SLC9A9: variants seen among roughly 807,000 people sequenced by gnomAD.
SLC9A9 encodes the protein solute carrier family 9 member A9, also known as sodium/hydrogen exchanger 9.
In SLC9A9, 62 loss-of-function variants were observed where a neutral mutation model predicts 77.8. That is an observed-to-expected ratio of 0.80 (90% CI 0.65 to 0.98). The LOEUF (loss-of-function observed/expected upper bound fraction) is 0.98. SLC9A9 is among the 50% of genes least tolerant of loss of function. The pLI, the probability that SLC9A9 is intolerant of heterozygous loss-of-function variation, is 0.00. For synonymous variants in SLC9A9, 320 were observed against 283.5 expected (o/e 1.13, Z -1.29); for missense variants, 775 against 774.9 (o/e 1.00, Z 0.00).
At chr3:143,731,344 T>C (rs1934798706) in intron 4 of SLC9A9, among the ~76,000 whole-genome samples, 1 of 152,202 alleles carries the variant, frequency 6.6e-6, no homozygotes, top group South Asian at 2.1e-4. Context: ...TAATTCCATA[T>C]ACACACCTAA....
At chr3:143,458,161 T>C (rs190039027) in intron 12 of SLC9A9, among the ~76,000 whole-genome samples, 140 of 152,262 alleles carry the variant, frequency 9.2e-4, no homozygotes, top group African/African-American at 3.2e-3. Flanking sequence ...TTTTGGAAAA[T>C]AAACTCTTTT....
intron 1 of SLC9A9, among the ~76,000 whole-genome samples, chr3:143,846,780 A>G (rs1462899671): frequency 2.0e-5 from 3 of 148,142 alleles, no homozygotes; most frequent in African/African-American, 7.5e-5. Context: ...TTTTTTAATT[A>G]TACTTTAAGT....
intron 6 of SLC9A9, among the ~76,000 whole-genome samples, chr3:143,620,915 C>T (rs566815319): frequency 1.3e-5 from 2 of 152,266 alleles, no homozygotes; most frequent in Admixed American, 6.5e-5. Flanking sequence ...TCACTCCCAC[C>T]CTAATACTGC....
chr3:143,509,444 G>A (rs2108603633), intron 9 of SLC9A9, among the ~76,000 whole-genome samples: 1 of 152,214 alleles, frequency 6.6e-6, no homozygotes, highest in South Asian at 2.1e-4. Context: ...TTCTTTTGAT[G>A]AGATTTATAA....
intron 3 of SLC9A9, among the ~76,000 whole-genome samples, chr3:143,795,355 G>C (rs2008355522): frequency 6.6e-6 from 1 of 151,908 alleles, no homozygotes; most frequent in Non-Finnish European, 1.5e-5. Flanking sequence ...GAACTGGCTG[G>C]ACCTGAGAGG....
intron 9 of SLC9A9, among the ~76,000 whole-genome samples, chr3:143,508,215 T>G (rs2036059699): frequency 6.6e-6 from 1 of 152,250 alleles, no homozygotes; most frequent in African/African-American, 2.4e-5. Context: ...GTGCTCTTTC[T>G]AAATTAACAT....
chr3:143,673,050 A>G (rs905449426), intron 5 of SLC9A9, among the ~76,000 whole-genome samples: 2 of 152,242 alleles, frequency 1.3e-5, no homozygotes, highest in African/African-American at 4.8e-5. Flanking sequence ...AGCAAACTTT[A>G]AAGGATAAAG....
intron 4 of SLC9A9, among the ~76,000 whole-genome samples, chr3:143,788,666 G>C (rs1157834924): frequency 7.2e-6 from 1 of 139,378 alleles, no homozygotes; most frequent in Non-Finnish European, 1.5e-5. Context: ...ACTCCAGCCT[G>C]GGCGACAGAG....
intron 6 of SLC9A9, among the ~76,000 whole-genome samples, chr3:143,581,814 G>A (rs1333253585): frequency 2.6e-5 from 4 of 152,104 alleles, no homozygotes; most frequent in Non-Finnish European, 5.9e-5. Flanking sequence ...GCATAAGAGC[G>A]GAGTATGTTG....
chr3:143,675,634 A>G (rs1310142795), intron 5 of SLC9A9, among the ~76,000 whole-genome samples: 1 of 152,192 alleles, frequency 6.6e-6, no homozygotes, highest in Non-Finnish European at 1.5e-5. Flanking sequence ...ACTTCACGGC[A>G]GACACAATAT....
At chr3:143,719,147 G>A (rs538069906) in intron 4 of SLC9A9, among the ~76,000 whole-genome samples, 3 of 152,286 alleles carry the variant, frequency 2.0e-5, no homozygotes, top group African/African-American at 7.2e-5. Context: ...GGGCATTTAT[G>A]TTCCATGGAA....
At chr3:143,316,711 G>A (rs1427198695) in intron 14 of SLC9A9, among the ~76,000 whole-genome samples, 1 of 152,098 alleles carries the variant, frequency 6.6e-6, no homozygotes, top group Non-Finnish European at 1.5e-5. Context: ...ACAACTCTGG[G>A]GAAAACTAGG....
At chr3:143,793,956 C>T (rs186406550) in intron 4 of SLC9A9, among the ~76,000 whole-genome samples, 25 of 152,298 alleles carry the variant, frequency 1.6e-4, no homozygotes, top group African/African-American at 6.0e-4. Flanking sequence ...TATAGGCTTG[C>T]AAACCTCCCT....
chr3:143,359,611 A>C (rs2032687491), intron 14 of SLC9A9, among the ~76,000 whole-genome samples: 1 of 152,126 alleles, frequency 6.6e-6, no homozygotes, highest in Admixed American at 6.6e-5. Flanking sequence ...GGGAAAGAGT[A>C]GGATAGGAGG....
chr3:143,665,738 T>C (rs1009788147), intron 5 of SLC9A9, among the ~76,000 whole-genome samples: 3 of 152,068 alleles, frequency 2.0e-5, no homozygotes, highest in Non-Finnish European at 4.4e-5. Flanking sequence ...TTAGAAGAAA[T>C]GGATAAATTC....
intron 11 of SLC9A9, among the ~76,000 whole-genome samples, chr3:143,476,680 T>C (rs1307445844): frequency 6.6e-6 from 1 of 152,234 alleles, no homozygotes; most frequent in Non-Finnish European, 1.5e-5. Context: ...TATGGGCAGC[T>C]TGTGTTCCAA....
chr3:143,778,072 T>C (rs1407042241), intron 4 of SLC9A9, among the ~76,000 whole-genome samples: 1 of 138,206 alleles, frequency 7.2e-6, no homozygotes, highest in Non-Finnish European at 1.5e-5. Context: ...TCAATGGCAC[T>C]TTTTCATTAC....
chr3:143,269,088 C>T, intron 14 of SLC9A9, 108 bp from the exon 15 acceptor site: 1 of 811,304 alleles, frequency 1.2e-6, no homozygotes, highest in East Asian at 2.7e-5. Flanking sequence ...TTTAAATCCC[C>T]TACTCCCTCA....
chr3:143,422,564 G>T (rs1034478879), intron 12 of SLC9A9, among the ~76,000 whole-genome samples: 7 of 152,116 alleles, frequency 4.6e-5, no homozygotes, highest in African/African-American at 1.7e-4. Flanking sequence ...TAGACATAAA[G>T]ATGGGAACAA....
Sources: allele counts gnomAD v4.1 joint callset (sites outside exome capture counted in the v4.1 genomes callset), GRCh38; gene constraint gnomAD v4.1.1; transcripts MANE v1.5; gene names NCBI Gene and HGNC (gene_info 2026-07-23, HGNC 2026-07-21).